Variants in ESYT2 observed in about 807,000 individuals in gnomAD.
The protein encoded by ESYT2 is extended synaptotagmin 2.
In ESYT2, 54 loss-of-function variants were observed where a neutral mutation model predicts 107.2. The observed-to-expected ratio is 0.50, with a 90% CI of 0.40 to 0.63. The LOEUF (loss-of-function observed/expected upper bound fraction) is 0.63, where lower values mean the gene tolerates loss of function less well. ESYT2 is among the 30% of genes least tolerant of loss of function. The probability of loss-of-function intolerance (pLI) is 0.00; values close to 1 mark genes in which losing one functional copy is unlikely to be tolerated. For synonymous variants in ESYT2, 491 were observed against 434.1 expected, an observed-to-expected ratio of 1.13 and a Z score of -1.63; for missense variants, 1,020 against 1,094.5, an observed-to-expected ratio of 0.93 and a Z score of 0.96.
At chr7:158,823,578 G>A (rs1258117533) in intron 1 of ESYT2, among the ~76,000 whole-genome samples, 1 of 151,934 alleles carries the variant, frequency 6.6e-6, no homozygotes, top group Non-Finnish European at 1.5e-5. Flanking sequence ...CACCTGCCTT[G>A]GCCTCCCAAA....
chr7:158,748,644 G>A (rs1054229825), intron 15 of ESYT2, among the ~76,000 whole-genome samples: 6 of 152,084 alleles, frequency 3.9e-5, no homozygotes, highest in African/African-American at 7.2e-5. Context: ...ACTTGGGCAC[G>A]TCTCTTAAAC....
chr7:158,783,233 G>A (rs1346294595), intron 6 of ESYT2, among the ~76,000 whole-genome samples: 1 of 152,146 alleles, frequency 6.6e-6, no homozygotes, highest in Non-Finnish European at 1.5e-5. Flanking sequence ...GAATGACACA[G>A]ATGTATCCAC....
chr7:158,739,159 G>A (rs777825281), intron 18 of ESYT2, 38 bp from the exon 19 acceptor site: 21 of 1,574,854 alleles, frequency 1.3e-5, no homozygotes, highest in Non-Finnish European at 1.8e-5. Context: ...GCTTGCCTGA[G>A]ACTGGAGAAC....
chr7:158,735,048 T>C (rs1312265139), intron 21 of ESYT2, among the ~76,000 whole-genome samples: 3 of 152,204 alleles, frequency 2.0e-5, no homozygotes, highest in African/African-American at 7.2e-5. Flanking sequence ...CACAGAAGGG[T>C]TGGCCCATGT....
intron 1 of ESYT2, among the ~76,000 whole-genome samples, chr7:158,814,040 G>A (rs1241209241): frequency 2.6e-5 from 4 of 151,830 alleles, no homozygotes; most frequent in Admixed American, 6.6e-5. Flanking sequence ...TTGGGAGGCC[G>A]AGGCAGGTGG....
chr7:158,799,026 C>A lies in ESYT2; in HGVS notation c.372+5G>T, dbSNP rs373747259. On this transcript the variant is annotated splice_donor_5th_base_variant and intron_variant, in intron 2 of 22. Transcript: ENST00000275418. ...TGGATGGTAGTTGGTATACTCTAAT[C>A]TTACCTTATTTAGCCATTCTGCTCT... The A allele has an allele frequency of 1.2e-5, 20 of 1,612,970 alleles. No homozygotes were observed. The South Asian group carries it at 2.2e-4, about 18-fold the overall frequency.
chr7:158,771,670 C>T (rs1292445340), intron 7 of ESYT2, among the ~76,000 whole-genome samples: 2 of 152,146 alleles, frequency 1.3e-5, no homozygotes, highest in African/African-American at 2.4e-5. Context: ...TGCCCAACAC[C>T]GGCTCCATCT....
chr7:158,776,997 C>T (rs1838590673), intron 6 of ESYT2, among the ~76,000 whole-genome samples: 1 of 151,914 alleles, frequency 6.6e-6, no homozygotes, highest in Non-Finnish European at 1.5e-5. Context: ...GGACTACAGG[C>T]ATACACTACT....
intron 8 of ESYT2, 120 bp from the exon 9 acceptor site, chr7:158,764,973 C>T: frequency 1.1e-6 from 1 of 947,092 alleles, no homozygotes; most frequent in Admixed American, 2.4e-5. Flanking sequence ...TAAAGACCCT[C>T]TTCTGGTGCC....
intron 7 of ESYT2, among the ~76,000 whole-genome samples, chr7:158,769,934 AT>A (rs140810114): frequency 2.6e-4 from 39 of 151,574 alleles, no homozygotes; most frequent in African/African-American, 9.0e-4. Context: ...TAATTAATTT[AT>A]TTTTTTTGAG....
At chr7:158,807,304 C>A (rs1839859859) in intron 1 of ESYT2, among the ~76,000 whole-genome samples, 2 of 143,124 alleles carry the variant, frequency 1.4e-5, no homozygotes, top group South Asian at 4.6e-4. Flanking sequence ...TACTAAAAAT[C>A]TATCTACATG....
intron 1 of ESYT2, among the ~76,000 whole-genome samples, chr7:158,816,983 A>G (rs1840164305): frequency 6.6e-6 from 1 of 152,282 alleles, no homozygotes; most frequent in East Asian, 1.9e-4. Context: ...CAAATGAAAT[A>G]AATTAATGAT....
chr7:158,789,109 C>G (rs1839198724), intron 4 of ESYT2, among the ~76,000 whole-genome samples: 1 of 152,170 alleles, frequency 6.6e-6, no homozygotes, highest in African/African-American at 2.4e-5. Context: ...TGTCACACTC[C>G]TACCTGACAA....
In ESYT2 at chr7:158,752,979, A is replaced by C. The variant is rs1238478565; in HGVS notation, c.1420-136T>G. The C allele has an allele frequency of 2.9e-5, 13 of 448,638 alleles. No individual in the cohort carries two copies. The East Asian group carries it at 5.0e-4, about 17-fold the overall frequency. The allele number at this position is 448,638 out of a possible 1,614,324, so 27.8% of individuals were successfully genotyped here. A position where few individuals can be genotyped will look rare whatever the true frequency, so the allele number is the denominator to read the frequency against. On this transcript the variant is annotated intron_variant, in intron 13 of 22. Coordinates refer to ENST00000275418, the MANE Select transcript of ESYT2 (RefSeq NM_001367773.1). ...AAACAAAACCACCAGAATTACACAA[A>C]CAACCAAAATGCCACGTATAAAATT...
chr7:158,821,390 A>C (rs1584889833), intron 1 of ESYT2, among the ~76,000 whole-genome samples: 2 of 152,246 alleles, frequency 1.3e-5, no homozygotes, highest in East Asian at 3.8e-4. Context: ...GGGCCCAACA[A>C]TCCAGCAATA....
chr7:158,782,039 G>A (rs934006557), intron 6 of ESYT2, among the ~76,000 whole-genome samples: 3 of 150,706 alleles, frequency 2.0e-5, no homozygotes, highest in African/African-American at 5.0e-5. Flanking sequence ...GTGCAAGAAC[G>A]AGAACAAGTG....
At chr7:158,792,180 G>A (rs1455829772) in intron 4 of ESYT2, among the ~76,000 whole-genome samples, 6 of 111,662 alleles carry the variant, frequency 5.4e-5, no homozygotes, top group Admixed American at 2.4e-4. Context: ...TTTTTTTGGT[G>A]GGATCTTTAG....
At chr7:158,802,896 A>G (rs1455537280) in intron 1 of ESYT2, among the ~76,000 whole-genome samples, 1 of 152,256 alleles carries the variant, frequency 6.6e-6, no homozygotes, top group Non-Finnish European at 1.5e-5. Context: ...TTGCCAATCA[A>G]GTTCATTTAT....
chr7:158,731,050 A>T lies in ESYT2; in HGVS notation c.*3157T>A, dbSNP rs529757183. The T allele has an allele frequency of 6.6e-6, 1 of 152,340 alleles. No individual in the cohort carries two copies. The highest frequency in any genetic ancestry group is 2.4e-5 in the African/African-American group (1 of 41,588). The allele number at this position is 152,340 out of a possible 1,614,324, so 9.4% of individuals were successfully genotyped here. A position where few individuals can be genotyped will look rare whatever the true frequency, so the allele number is the denominator to read the frequency against. ...AATACATGCACTGTCACGTGAAATTAGTTGAACAGAAAGGAGGTTCTCTAC... is the reference window on the plus strand; with the variant it reads ...AATACATGCACTGTCACGTGAAATTTGTTGAACAGAAAGGAGGTTCTCTAC... On this transcript the variant is annotated 3_prime_UTR_variant, in exon 23 of 23. Coordinates refer to ENST00000275418, the MANE Select transcript of ESYT2 (RefSeq NM_001367773.1).
Sources: allele counts gnomAD v4.1 joint callset (sites outside exome capture counted in the v4.1 genomes callset), GRCh38; gene constraint gnomAD v4.1.1; transcripts MANE v1.5; gene names NCBI Gene and HGNC (gene_info 2026-07-23, HGNC 2026-07-21).